The following ARL3 variants were observed in gnomAD, a reference collection of about 807,000 sequenced individuals.
The protein encoded by ARL3 is ADP-ribosylation factor-like protein 3.
In ARL3, 9 loss-of-function variants were observed where a neutral mutation model predicts 26.0. The ratio of observed to expected loss-of-function variants is 0.35; its 90% CI spans 0.21 to 0.60. ARL3 has a LOEUF of 0.60. Among genes scored for constraint, ARL3 ranks in the 20% least tolerant of loss-of-function variants. The pLI, the probability that ARL3 is intolerant of heterozygous loss-of-function variation, is 0.78. For missense variants in ARL3, 158 were observed against 215.7 expected, an observed-to-expected ratio of 0.73 and a Z score of 1.67; for synonymous variants, 71 against 78.4, an observed-to-expected ratio of 0.91 and a Z score of 0.50.
intron 3 of ARL3, among the ~76,000 whole-genome samples, chr10:102,693,071 C>T (rs2064228240): frequency 6.6e-6 from 1 of 152,182 alleles, no homozygotes; most frequent in Non-Finnish European, 1.5e-5. Flanking sequence ...GGGTGTACCA[C>T]AGTTTGTTTA....
At chr10:102,684,332 G>T (rs1315378745) in intron 5 of ARL3, among the ~76,000 whole-genome samples, 1 of 151,856 alleles carries the variant, frequency 6.6e-6, no homozygotes, top group East Asian at 1.9e-4. Flanking sequence ...TGTATTTTTA[G>T]TAGAGACGGG....
At chr10:102,703,993 T>C (rs1048871745) in intron 2 of ARL3, among the ~76,000 whole-genome samples, 1 of 151,106 alleles carries the variant, frequency 6.6e-6, no homozygotes, top group African/African-American at 2.4e-5. Context: ...TCTACTAAAA[T>C]ACAACAAATT....
In ARL3 at chr10:102,675,711, C is replaced by G. The variant is rs1372445351; in HGVS notation, c.*1183G>C. On this transcript the variant is annotated 3_prime_UTR_variant, in exon 6 of 6. Coordinates refer to ENST00000260746, the MANE Select transcript of ARL3 (RefSeq NM_004311.4). Reference sequence around the variant, plus strand: ...TTCTGCTGCAGAGAGGCAGAGGAGCCCAGCAGCTGGGGTGACTCTTGATTC... The same window carrying G: ...TTCTGCTGCAGAGAGGCAGAGGAGCGCAGCAGCTGGGGTGACTCTTGATTC... 1 of 152,122 alleles carries G rather than the reference C, an allele frequency of 6.6e-6. No homozygotes were observed. Among genetic ancestry groups the G allele is most frequent in the African/African-American group, 2.4e-5 (1 of 41,386 alleles). The allele number at this position is 152,122 out of a possible 1,614,324, so 9.4% of individuals were successfully genotyped here.
At chr10:102,686,927 G>A (rs2064190442) in intron 4 of ARL3, among the ~76,000 whole-genome samples, 1 of 139,046 alleles carries the variant, frequency 7.2e-6, no homozygotes, top group African/African-American at 2.7e-5. Flanking sequence ...CCAGGCTGGA[G>A]TGCAGTGGCG....
chr10:102,708,908 A>ATATATATATTTTT, intron 1 of ARL3, among the ~76,000 whole-genome samples: 21 of 95,328 alleles, frequency 2.2e-4, no homozygotes, highest in African/African-American at 6.3e-4. Flanking sequence ...ATATATATAT[A>ATATATATATTTTT]TTTTTTTTTT....
chr10:102,685,708 A>C (rs1364339367), intron 5 of ARL3, 108 bp downstream of exon 5: 1 of 1,209,682 alleles, frequency 8.3e-7, no homozygotes, highest in Admixed American at 2.5e-5. Context: ...CATGCCCTTC[A>C]TATCTTGGAA....
intron 1 of ARL3, among the ~76,000 whole-genome samples, chr10:102,713,195 T>C (rs1206242036): frequency 6.6e-6 from 1 of 152,168 alleles, no homozygotes; most frequent in Non-Finnish European, 1.5e-5. Flanking sequence ...TGACAGGCTC[T>C]TTGCAGCCAA....
rs528108835 is a variant in ARL3, at chr10:102,687,880, G to A, written c.316-1879C>T. On this transcript the variant is annotated intron_variant, in intron 4 of 5. Transcript: ENST00000260746. Reference sequence around the variant, plus strand: ...AGGGAGAAGACAAGAAGTGGTTTGAGATTCAAAACTTACCCAAGGTTATTA... The same window carrying A: ...AGGGAGAAGACAAGAAGTGGTTTGAAATTCAAAACTTACCCAAGGTTATTA... 9.9e-4 allele frequency among the ~76,000 whole-genome samples: 150 copies of A among 152,182 alleles called. 1 individual carries two copies. Among genetic ancestry groups the A allele is most frequent in the African/African-American group, 3.4e-3 (141 of 41,522 alleles).
At chr10:102,688,541 A>T (rs1244324361) in intron 4 of ARL3, among the ~76,000 whole-genome samples, 5 of 137,354 alleles carry the variant, frequency 3.6e-5, no homozygotes, top group Non-Finnish European at 6.1e-5. Context: ...TCACTCTGTC[A>T]CCCAGGCTGG....
rs563967604 is a variant in ARL3 at position 102,677,113 on chromosome 10, CAGG to C, written c.502-175_502-173del. On this transcript the variant is annotated intron_variant, in intron 5 of 5. Transcript: ENST00000260746. ...TGGGTGACCAGGGACAGTGACCTCC[CAGG>C]AGGAGGAGGAGGGAGGTCTCTGAGA... Among the ~76,000 whole-genome samples the C allele has an allele frequency of 1.4e-3, 217 of 152,176 alleles. 1 individual carries two copies. Among genetic ancestry groups the C allele is most frequent in the African/African-American group, 5.0e-3 (207 of 41,520 alleles).
intron 5 of ARL3, among the ~76,000 whole-genome samples, chr10:102,681,237 A>G (rs575377054): frequency 5.9e-5 from 9 of 152,054 alleles, no homozygotes; most frequent in African/African-American, 1.9e-4. Context: ...AAAAAAATAC[A>G]AAAAATTAGC....
intron 5 of ARL3, among the ~76,000 whole-genome samples, chr10:102,679,442 T>C (rs1404064071): frequency 6.6e-6 from 1 of 152,192 alleles, no homozygotes; most frequent in African/African-American, 2.4e-5. Flanking sequence ...CTGGTGTTAT[T>C]TCTCTATCAC....
chr10:102,703,970 G>A (rs1214488377), intron 2 of ARL3, among the ~76,000 whole-genome samples: 1 of 151,136 alleles, frequency 6.6e-6, no homozygotes, highest in East Asian at 2.0e-4. Flanking sequence ...GGCAACAACG[G>A]TGAAACCCTG....
intron 3 of ARL3, among the ~76,000 whole-genome samples, chr10:102,691,123 CTTTT>C (rs961108392): frequency 1.8e-4 from 28 of 152,214 alleles, no homozygotes; most frequent in African/African-American, 6.3e-4. Context: ...TACAATCTCT[CTTTT>C]TCTTTTTATT....
intron 1 of ARL3, among the ~76,000 whole-genome samples, chr10:102,712,299 G>A (rs979163109): frequency 1.3e-5 from 2 of 152,064 alleles, no homozygotes; most frequent in African/African-American, 4.8e-5. Flanking sequence ...GTTAACCATG[G>A]GGGCTCATGG....
intron 2 of ARL3, among the ~76,000 whole-genome samples, chr10:102,700,408 C>CAAAAAAA (rs56041064): frequency 0.76 from 68,290 of 89,352 alleles, 27,394 homozygotes; most frequent in East Asian, 0.89. Context: ...GATTCCATCT[C>CAAAAAAA]AAAAAAAAAA....
intron 5 of ARL3, 80 bp from the exon 6 acceptor site, chr10:102,677,021 T>C: frequency 1.3e-6 from 2 of 1,513,134 alleles, no homozygotes; most frequent in Non-Finnish European, 1.8e-6. Context: ...GGGCGGGCAG[T>C]GGGGGTCCCA....
intron 1 of ARL3, among the ~76,000 whole-genome samples, chr10:102,705,961 C>T (rs1462051247): frequency 1.3e-5 from 2 of 152,096 alleles, no homozygotes; most frequent in South Asian, 2.1e-4. Context: ...TAGGATGACA[C>T]ACCCAAGTTA....
intron 3 of ARL3, among the ~76,000 whole-genome samples, chr10:102,698,056 G>C (rs537468912): frequency 6.6e-6 from 1 of 152,144 alleles, no homozygotes; most frequent in South Asian, 2.1e-4. Flanking sequence ...TGTATGGTCA[G>C]GAGGAGTTTT....
Sources: allele counts gnomAD v4.1 joint callset (sites outside exome capture counted in the v4.1 genomes callset), GRCh38; gene constraint gnomAD v4.1.1; transcripts MANE v1.5; gene names NCBI Gene and HGNC (gene_info 2026-07-23, HGNC 2026-07-21).